The following OR51B5 variants were observed in gnomAD, a reference collection of about 807,000 sequenced individuals.
OR51B5 encodes olfactory receptor 51B5.
For synonymous variants in OR51B5, 186 were observed against 144.8 expected, an observed-to-expected ratio of 1.28 and a Z score of -2.04; for missense variants, 456 against 374.6, an observed-to-expected ratio of 1.22 and a Z score of -1.79.
chr11:5,459,374 T>C (rs1444559219), intron 1 of OR51B5, among the ~76,000 whole-genome samples: 1 of 152,150 alleles, frequency 6.6e-6, no homozygotes, highest in Non-Finnish European at 1.5e-5. Flanking sequence ...TTGTTGAGGA[T>C]TTTTTTCATC....
intron 1 of OR51B5, among the ~76,000 whole-genome samples, chr11:5,404,505 C>T (rs1316779536): frequency 6.6e-6 from 1 of 151,560 alleles, no homozygotes; most frequent in East Asian, 1.9e-4. Flanking sequence ...GTAAAATGGA[C>T]CAATCAGCAC....
chr11:5,476,534 G>A (rs558204230), intron 1 of OR51B5, among the ~76,000 whole-genome samples: 2 of 152,294 alleles, frequency 1.3e-5, no homozygotes, highest in South Asian at 4.1e-4. Context: ...AGCCTCCTTT[G>A]TGACTTGGTA....
At chr11:5,426,059 C>T (rs1171549661) in intron 1 of OR51B5, among the ~76,000 whole-genome samples, 2 of 152,064 alleles carry the variant, frequency 1.3e-5, no homozygotes, top group Non-Finnish European at 1.5e-5. Flanking sequence ...TCAAGCTGCA[C>T]GAAGATGCGA....
chr11:5,364,364 G>A (rs79613852), intron 1 of OR51B5, among the ~76,000 whole-genome samples: 158 of 152,232 alleles, frequency 1.0e-3, no homozygotes, highest in African/African-American at 3.7e-3. Context: ...AGAAACAGGA[G>A]GTCATGGTAA....
At chr11:5,412,277 G>A (rs1272211613) in intron 1 of OR51B5, among the ~76,000 whole-genome samples, 4 of 152,184 alleles carry the variant, frequency 2.6e-5, no homozygotes. Context: ...AGCATTAACA[G>A]TGAAAGCATT....
At chr11:5,357,079 A>G (rs1271904915) in intron 1 of OR51B5, among the ~76,000 whole-genome samples, 1 of 152,112 alleles carries the variant, frequency 6.6e-6, no homozygotes. Context: ...TAATGAGCAA[A>G]ATAACCAGCT....
At chr11:5,363,305 C>T (rs2647604) in intron 1 of OR51B5, among the ~76,000 whole-genome samples, 53,028 of 142,286 alleles carry the variant, frequency 0.37, 10,764 homozygotes, top group Non-Finnish European at 0.4. Context: ...GGACAGACAT[C>T]GTTTTTCAAG....
chr11:5,352,157 T>A lies in OR51B5; in HGVS notation n.85-5247A>T, dbSNP rs556019212. ...TTTCTCATCATCTTTTTCTCCTACATTTTGATTCTCAAGACTGTCATGGGC... is the reference window on the plus strand; with the variant it reads ...TTTCTCATCATCTTTTTCTCCTACAATTTGATTCTCAAGACTGTCATGGGC... On this transcript the variant is annotated intron_variant and non_coding_transcript_variant, in intron 1 of 4. Transcript: ENST00000415970. 2.5e-6 allele frequency: 4 copies of A among 1,614,204 alleles called. No homozygotes were observed. The South Asian group carries it at 4.4e-5, about 18-fold the overall frequency.
chr11:5,378,120 T>C (rs568582230), intron 1 of OR51B5, among the ~76,000 whole-genome samples: 240 of 151,498 alleles, frequency 1.6e-3, no homozygotes, highest in African/African-American at 5.5e-3. Flanking sequence ...CAGATATAGA[T>C]CAATGGAACA....
At chr11:5,357,397 A>G (rs1323014469) in intron 1 of OR51B5, among the ~76,000 whole-genome samples, 1 of 151,170 alleles carries the variant, frequency 6.6e-6, no homozygotes, top group Non-Finnish European at 1.5e-5. Context: ...ACATAATGGT[A>G]AAGGGATCAA....
At chr11:5,406,641 C>T (rs1411607559) in intron 1 of OR51B5, among the ~76,000 whole-genome samples, 2 of 152,052 alleles carry the variant, frequency 1.3e-5, no homozygotes, top group Non-Finnish European at 2.9e-5. Context: ...CACATTTATC[C>T]AGTGAATATG....
chr11:5,443,619 C>T (rs902530729), intron 1 of OR51B5, among the ~76,000 whole-genome samples: 6 of 151,952 alleles, frequency 3.9e-5, no homozygotes, highest in Admixed American at 1.3e-4. Flanking sequence ...CCGTCTGTAA[C>T]CACTGGCATG....
chr11:5,430,123 T>C (rs1028964818), intron 1 of OR51B5, among the ~76,000 whole-genome samples: 1 of 152,198 alleles, frequency 6.6e-6, no homozygotes, highest in Non-Finnish European at 1.5e-5. Flanking sequence ...GAAGGTAACA[T>C]TAATAATAAT....
At position 5,480,346 on chromosome 11, in the gene OR51B5, G is replaced by A. The variant is rs868528855; in HGVS notation, n.84+25223C>T. On this transcript the variant is annotated intron_variant and non_coding_transcript_variant, in intron 1 of 4. Transcript: ENST00000415970. ...CACAACATACCAGAATCTCTGGGAC[G>A]CATTCAAAGCAGTGTGTAGAGGGAA... 3.0e-3 allele frequency among the ~76,000 whole-genome samples: 450 copies of A among 151,702 alleles called. 3 individuals carry two copies. The highest frequency in any genetic ancestry group is 9.5e-3 in the African/African-American group (393 of 41,292).
chr11:5,376,729 G>T (rs188498817), intron 1 of OR51B5, among the ~76,000 whole-genome samples: 1 of 151,256 alleles, frequency 6.6e-6, no homozygotes, highest in Non-Finnish European at 1.5e-5. Flanking sequence ...ATAAATTCCT[G>T]GACACATACA....
chr11:5,472,892 A>G (rs1050859049), intron 1 of OR51B5, among the ~76,000 whole-genome samples: 2 of 152,192 alleles, frequency 1.3e-5, no homozygotes, highest in African/African-American at 4.8e-5. Context: ...AATTATTTAG[A>G]GTCATCAAAT....
intron 1 of OR51B5, chr11:5,390,111 C>A (rs756835561): frequency 6.2e-7 from 1 of 1,613,674 alleles, no homozygotes; most frequent in Non-Finnish European, 8.5e-7. Flanking sequence ...CACACAGTAG[C>A]AGGCCTGGCC....
intron 1 of OR51B5, chr11:5,390,323 A>T (rs1203646449): frequency 6.2e-7 from 1 of 1,613,292 alleles, no homozygotes; most frequent in Admixed American, 1.7e-5. Context: ...CATTAAGACC[A>T]AGGAGATCCA....
intron 1 of OR51B5, among the ~76,000 whole-genome samples, chr11:5,364,124 C>T (rs1300800915): frequency 6.6e-6 from 1 of 152,120 alleles, no homozygotes; most frequent in Non-Finnish European, 1.5e-5. Context: ...AGAGGTATCT[C>T]AACACTAAAG....
Sources: allele counts gnomAD v4.1 joint callset (sites outside exome capture counted in the v4.1 genomes callset), GRCh38; gene constraint gnomAD v4.1.1; transcripts MANE v1.5; gene names NCBI Gene and HGNC (gene_info 2026-07-23, HGNC 2026-07-21).